GALNTL6: variants seen among roughly 807,000 people sequenced by gnomAD.
GALNTL6 encodes polypeptide N-acetylgalactosaminyltransferase-like 6.
In GALNTL6, 46 loss-of-function variants were observed where a neutral mutation model predicts 73.7. That is an observed-to-expected ratio of 0.62 (90% confidence interval 0.49 to 0.80). GALNTL6 has a LOEUF of 0.80. Ranked by LOEUF, GALNTL6 falls within the 30% of genes least tolerant of loss-of-function variation. GALNTL6 has a pLI of 0.00. For synonymous variants in GALNTL6, 259 were observed against 263.7 expected (o/e 0.98, Z 0.17); for missense variants, 604 against 755.0 (o/e 0.80, Z 2.34).
chr4:172,513,609 A>G (rs1359787330), intron 5 of GALNTL6, among the ~76,000 whole-genome samples: 2 of 152,024 alleles, frequency 1.3e-5, no homozygotes, highest in African/African-American at 4.8e-5. Flanking sequence ...CCCACAGGGT[A>G]CTCCCTTGAT....
chr4:172,322,659 C>G (rs958464520), intron 4 of GALNTL6, among the ~76,000 whole-genome samples: 12 of 152,010 alleles, frequency 7.9e-5, no homozygotes, highest in Admixed American at 3.9e-4. Context: ...AGGGGCTACA[C>G]ACATTTAAAC....
chr4:172,090,652 C>A (rs552085602), intron 2 of GALNTL6, among the ~76,000 whole-genome samples: 1 of 152,080 alleles, frequency 6.6e-6, no homozygotes, highest in Non-Finnish European at 1.5e-5. Flanking sequence ...GTTGCCTGTT[C>A]AATCTGATGA....
At chr4:172,401,263 CTCT>C (rs893056273) in intron 5 of GALNTL6, among the ~76,000 whole-genome samples, 49 of 152,272 alleles carry the variant, frequency 3.2e-4, no homozygotes, top group African/African-American at 9.9e-4. Context: ...CTTTATCCTT[CTCT>C]TCTTACAGTC....
At chr4:172,760,807 A>G (rs1738040788) in intron 5 of GALNTL6, among the ~76,000 whole-genome samples, 1 of 152,160 alleles carries the variant, frequency 6.6e-6, no homozygotes, top group Non-Finnish European at 1.5e-5. Context: ...AGCAGGGGAT[A>G]GGAGGACCTC....
chr4:173,021,215 C>G (rs1752977027), intron 11 of GALNTL6, among the ~76,000 whole-genome samples: 1 of 152,146 alleles, frequency 6.6e-6, no homozygotes, highest in South Asian at 2.1e-4. Flanking sequence ...TTTCTACCAT[C>G]CTCTGTATTT....
intron 2 of GALNTL6, among the ~76,000 whole-genome samples, chr4:171,965,581 G>A (rs1739360515): frequency 7.0e-6 from 1 of 143,648 alleles, no homozygotes; most frequent in Non-Finnish European, 1.5e-5. Flanking sequence ...GCATGAACCT[G>A]GGAAGCAGAG....
At chr4:172,922,167 C>G (rs112227487) in intron 8 of GALNTL6, among the ~76,000 whole-genome samples, 17,908 of 152,106 alleles carry the variant, frequency 0.12, 1,468 homozygotes, top group Non-Finnish European at 0.18. Flanking sequence ...CGTGTAAGAA[C>G]TGCCTTTCAC....
Position 171,904,247 on chromosome 4 carries a change from A to G in GALNTL6, c.138+89529A>G, listed in dbSNP as rs541962445. On this transcript the variant is annotated intron_variant, in intron 2 of 12. Transcript: ENST00000506823. ...AGGCAAAGAAGTTGAAAACTTTGAA[A>G]AAAATTTAGAAGAATGTATAACTAG... is the stretch of plus-strand genomic sequence containing the variant. 1.6e-3 allele frequency among the ~76,000 whole-genome samples: 244 copies of G among 152,272 alleles called. 1 individual carries two copies. Among genetic ancestry groups the G allele is most frequent in the African/African-American group, 5.7e-3 (239 of 41,570 alleles).
intron 2 of GALNTL6, among the ~76,000 whole-genome samples, chr4:172,045,184 A>T (rs527617886): frequency 2.6e-5 from 4 of 152,054 alleles, no homozygotes; most frequent in Admixed American, 6.6e-5. Flanking sequence ...TTAATCTGCC[A>T]TACTTTCTTT....
intron 2 of GALNTL6, among the ~76,000 whole-genome samples, chr4:172,002,786 A>G (rs2110762406): frequency 6.6e-6 from 1 of 152,222 alleles, no homozygotes; most frequent in African/African-American, 2.4e-5. Context: ...ACATACTTTG[A>G]TTCCCTTCAC....
At chr4:172,354,555 G>A (rs556133688) in intron 5 of GALNTL6, among the ~76,000 whole-genome samples, 1 of 152,128 alleles carries the variant, frequency 6.6e-6, no homozygotes, top group East Asian at 1.9e-4. Flanking sequence ...GTGGTCAGAT[G>A]TATGAACATA....
At chr4:172,102,879 G>A (rs1732558515) in intron 2 of GALNTL6, among the ~76,000 whole-genome samples, 2 of 152,092 alleles carry the variant, frequency 1.3e-5, no homozygotes, top group South Asian at 4.1e-4. Context: ...AATGGACTTG[G>A]GGCCTAAGAA....
rs557596271 is a variant in GALNTL6 at position 172,117,237 on chromosome 4, C to T, written c.139-112419C>T. ...CTATTTTTCAGTCGTGTTTTATCTT[C>T]CAGCTGAAAATGACAGTGAATTAAA... On this transcript the variant is annotated intron_variant, in intron 2 of 12. Transcript: ENST00000506823. Among the ~76,000 whole-genome samples, 3 of 152,260 alleles carry T rather than the reference C, an allele frequency of 2.0e-5. No individual in the cohort carries two copies. The South Asian group carries it at 6.2e-4, about 32-fold the overall frequency.
intron 8 of GALNTL6, among the ~76,000 whole-genome samples, chr4:172,902,556 G>A (rs958520928): frequency 2.0e-5 from 3 of 152,122 alleles, no homozygotes; most frequent in Non-Finnish European, 4.4e-5. Context: ...ATAATTCCAG[G>A]AAAAGCTCTT....
At chr4:172,363,785 A>G (rs1361969037) in intron 5 of GALNTL6, among the ~76,000 whole-genome samples, 5 of 152,126 alleles carry the variant, frequency 3.3e-5, no homozygotes, top group African/African-American at 1.2e-4. Flanking sequence ...GAGAATAGAA[A>G]CCTTTTACTT....
At position 172,809,294 on chromosome 4, in the gene GALNTL6, A is replaced by C; in HGVS notation, c.554-67A>C. 7.7e-7 allele frequency: 1 copy of C among 1,300,522 alleles called. No individual in the cohort carries two copies. The allele number at this position is 1,300,522 out of a possible 1,614,324, so 80.6% of individuals were successfully genotyped here. A position where few individuals can be genotyped will look rare whatever the true frequency, so the allele number is the denominator to read the frequency against. ...GTCACATACTCTCTATGCACAAACA[A>C]CCGTGAATAATTCAGCTGCAACTAA... On this transcript the variant is annotated intron_variant, in intron 5 of 12. Coordinates refer to ENST00000506823, the MANE Select transcript of GALNTL6 (RefSeq NM_001034845.3). This position sits in a 1 kb window ranked among gnomAD's most constrained non-coding sequence, Gnocchi z 4.4.
intron 2 of GALNTL6, among the ~76,000 whole-genome samples, chr4:171,896,841 G>A (rs1427117133): frequency 6.6e-6 from 1 of 151,728 alleles, no homozygotes; most frequent in Non-Finnish European, 1.5e-5. Flanking sequence ...ACAACCAATA[G>A]GAAATTAACA....
intron 10 of GALNTL6, among the ~76,000 whole-genome samples, chr4:172,986,027 T>A (rs1751273755): frequency 6.6e-6 from 1 of 152,160 alleles, no homozygotes; most frequent in South Asian, 2.1e-4. Flanking sequence ...TTTTCAAAAT[T>A]AAATTATAAA....
chr4:172,822,801 T>C (rs1009237704), intron 7 of GALNTL6, among the ~76,000 whole-genome samples: 1 of 152,200 alleles, frequency 6.6e-6, no homozygotes, highest in Non-Finnish European at 1.5e-5. Context: ...TCCATTTACC[T>C]GTTATATCAA....
Sources: allele counts gnomAD v4.1 joint callset (sites outside exome capture counted in the v4.1 genomes callset), GRCh38; gene constraint gnomAD v4.1.1; non-coding constraint Gnocchi (gnomAD v3.1); transcripts MANE v1.5; gene names NCBI Gene and HGNC (gene_info 2026-07-23, HGNC 2026-07-21).